The following SLC26A5 variants were observed in gnomAD, a reference collection of about 807,000 sequenced individuals.
SLC26A5 encodes the protein prestin.
In SLC26A5, 51 loss-of-function variants were observed where a neutral mutation model predicts 81.0. The ratio of observed to expected loss-of-function variants is 0.63; its 90% CI spans 0.50 to 0.80. The LOEUF (loss-of-function observed/expected upper bound fraction) is 0.80. Ranked by LOEUF, SLC26A5 falls within the 30% of genes least tolerant of loss-of-function variation. The pLI is 0.00. For synonymous variants in SLC26A5, 325 were observed against 332.8 expected (o/e 0.98, Z 0.25); for missense variants, 771 against 905.8 (o/e 0.85, Z 1.91).
intron 14 of SLC26A5, among the ~76,000 whole-genome samples, chr7:103,387,776 G>A (rs924393433): frequency 6.6e-6 from 1 of 152,144 alleles, no homozygotes; most frequent in African/African-American, 2.4e-5. Flanking sequence ...CTGCCTCCCA[G>A]GTTCAAGCGA....
In SLC26A5 at chr7:103,441,085, A is replaced by G. The variant is rs114088206; in HGVS notation, c.-54+1998T>C. Among the ~76,000 whole-genome samples the G allele has an allele frequency of 3.5e-3, 529 of 152,324 alleles. 3 individuals are homozygous for G. Among genetic ancestry groups the G allele is most frequent in the African/African-American group, 0.012 (501 of 41,568 alleles). ...CTGCCTGCATTTTAGCAAGCTTGAGAATAGGCTTATAGCAGAGATAAGACT... is the reference window on the plus strand; with the variant it reads ...CTGCCTGCATTTTAGCAAGCTTGAGGATAGGCTTATAGCAGAGATAAGACT... On this transcript the variant is annotated intron_variant, in intron 2 of 19. Transcript: ENST00000306312.
chr7:103,379,221 TAATC>T lies in SLC26A5; in HGVS notation c.1677+18_1677+21del. The T allele has an allele frequency of 6.5e-7, 1 of 1,548,264 alleles. No individual in the cohort carries two copies. The highest frequency in any genetic ancestry group is 8.9e-7 in the Non-Finnish European group (1 of 1,120,322). On this transcript the variant is annotated intron_variant, in intron 16 of 19. Transcript: ENST00000306312. Reference sequence around the variant, plus strand: ...AACCCACAAATCCCATCCTCAGAAATAATCAATTTCTCATGACTCACCTTTCGTT... The same window carrying T: ...AACCCACAAATCCCATCCTCAGAAATAATTTCTCATGACTCACCTTTCGTT...
At chr7:103,434,504 T>C (rs1826305905) in intron 2 of SLC26A5, among the ~76,000 whole-genome samples, 1 of 152,148 alleles carries the variant, frequency 6.6e-6, no homozygotes, top group East Asian at 1.9e-4. Flanking sequence ...AGCATTTAAT[T>C]GTCAATTTCT....
intron 8 of SLC26A5, among the ~76,000 whole-genome samples, chr7:103,404,547 T>C (rs1033471244): frequency 5.3e-5 from 8 of 152,216 alleles, no homozygotes; most frequent in Non-Finnish European, 1.2e-4. Context: ...TGCAGATAGA[T>C]CCGCTATTAG....
intron 2 of SLC26A5, among the ~76,000 whole-genome samples, chr7:103,430,440 T>C (rs758991966): frequency 2.6e-5 from 4 of 152,194 alleles, no homozygotes; most frequent in Non-Finnish European, 4.4e-5. Context: ...TGTACCCTAA[T>C]TTCCTTATCT....
At chr7:103,390,905 C>T (rs1199035588) in intron 11 of SLC26A5, among the ~76,000 whole-genome samples, 1 of 147,020 alleles carries the variant, frequency 6.8e-6, no homozygotes, top group Non-Finnish European at 1.5e-5. Flanking sequence ...CTCACTCTGT[C>T]GCCAGGATGG....
At chr7:103,419,008 C>T (rs547769764) in intron 4 of SLC26A5, among the ~76,000 whole-genome samples, 1 of 152,232 alleles carries the variant, frequency 6.6e-6, no homozygotes, top group Admixed American at 6.5e-5. Flanking sequence ...GGGTCTTTCC[C>T]ATGCTGTCCT....
intron 14 of SLC26A5, among the ~76,000 whole-genome samples, chr7:103,383,835 T>C (rs1371123450): frequency 2.6e-5 from 4 of 152,074 alleles, no homozygotes; most frequent in Non-Finnish European, 1.5e-5. Context: ...CCACTACACC[T>C]TGCCAACTAA....
Position 103,421,478 on chromosome 7 carries a change from T to A in SLC26A5, c.37A>T (p.Thr13Ser), listed in dbSNP as rs745671191. ...HAEENEILAA[T>S]QRYYVERPIF... is the part of the protein sequence containing the mutation. Reference sequence around the variant, plus strand: ...GGCCTTTCCACATAGTACCTCTGGGTTGCTGCAAGGATTTCATTTTCTTCA... The same window carrying A: ...GGCCTTTCCACATAGTACCTCTGGGATGCTGCAAGGATTTCATTTTCTTCA... The change falls in exon 3 of 20, where the codon ACC becomes TCC. Residue 13 changes from threonine (T) to serine (S), a missense_variant. Coordinates refer to ENST00000306312, the MANE Select transcript of SLC26A5 (RefSeq NM_198999.3). 1.2e-6 allele frequency: 2 copies of A among 1,614,104 alleles called. No homozygotes were observed. Among genetic ancestry groups the A allele is most frequent in the Non-Finnish European group, 1.7e-6 (2 of 1,179,966 alleles).
chr7:103,427,608 A>G (rs1317178938), intron 2 of SLC26A5, among the ~76,000 whole-genome samples: 1 of 152,214 alleles, frequency 6.6e-6, no homozygotes, highest in Non-Finnish European at 1.5e-5. Context: ...ACAACATTTT[A>G]AACTTCAGAC....
intron 19 of SLC26A5, among the ~76,000 whole-genome samples, chr7:103,360,273 C>G (rs1240133273): frequency 6.6e-6 from 1 of 152,104 alleles, no homozygotes; most frequent in Admixed American, 6.5e-5. Flanking sequence ...TGTGTCACCT[C>G]TGGAAATCAA....
At chr7:103,434,789 G>A (rs1018695794) in intron 2 of SLC26A5, among the ~76,000 whole-genome samples, 1 of 152,016 alleles carries the variant, frequency 6.6e-6, no homozygotes, top group Non-Finnish European at 1.5e-5. Context: ...GTAGCTGGGA[G>A]TACAGGAGTG....
At chr7:103,374,686 T>G in intron 19 of SLC26A5, 94 bp from the exon 20 acceptor site, 3 of 1,249,764 alleles carry the variant, frequency 2.4e-6, no homozygotes, top group Non-Finnish European at 3.3e-6. Flanking sequence ...GTTTTTTTTT[T>G]TGTTATTGTT....
chr7:103,363,231 TAA>T (rs1372456353), intron 19 of SLC26A5: 1 of 801,230 alleles, frequency 1.2e-6, no homozygotes, highest in Non-Finnish European at 2.0e-6. Flanking sequence ...CAATTTTTAT[TAA>T]AATTCTCACT....
intron 1 of SLC26A5, chr7:103,445,638 T>A (rs1165644743): frequency 3.3e-5 from 5 of 152,140 alleles, no homozygotes; most frequent in East Asian, 1.9e-4. Context: ...GGGCGGCCAA[T>A]GCCGGGCAAG....
chr7:103,408,155 C>T, intron 7 of SLC26A5, 152 bp from the exon 8 acceptor site: 1 of 984,578 alleles, frequency 1.0e-6, no homozygotes, highest in Non-Finnish European at 1.5e-6. Context: ...GTAGCTTCTA[C>T]CAATTAGGAG....
chr7:103,376,385 GT>G (rs1461053439), intron 19 of SLC26A5, among the ~76,000 whole-genome samples: 1 of 152,116 alleles, frequency 6.6e-6, no homozygotes, highest in African/African-American at 2.4e-5. Context: ...CTCAAGCACT[GT>G]TTTAACCAAA....
In SLC26A5 at chr7:103,376,805, C is replaced by A; in HGVS notation, c.2041+3G>T. 1 of 1,596,984 alleles carries A rather than the reference C, an allele frequency of 6.3e-7. No homozygotes were observed. The highest frequency in any genetic ancestry group is 8.6e-7 in the Non-Finnish European group (1 of 1,165,220). ...CTTCACCCCATCTTAGAGGTATACT[C>A]ACCACTGCATCCTGCTAAGTATACA... On this transcript the variant is annotated splice_donor_region_variant and intron_variant, in intron 19 of 19. Coordinates refer to ENST00000306312, the MANE Select transcript of SLC26A5 (RefSeq NM_198999.3).
chr7:103,364,255 C>G, intron 19 of SLC26A5: 1 of 1,614,156 alleles, frequency 6.2e-7, no homozygotes, highest in Non-Finnish European at 8.5e-7. Flanking sequence ...CGGACTGATG[C>G]GTGCTTCATT....
Sources: allele counts gnomAD v4.1 joint callset (sites outside exome capture counted in the v4.1 genomes callset), GRCh38; gene constraint gnomAD v4.1.1; transcripts MANE v1.5; gene names NCBI Gene and HGNC (gene_info 2026-07-23, HGNC 2026-07-21).